Variants in CDHR3 observed in about 807,000 individuals in gnomAD.
CDHR3 encodes cadherin-related family member 3.
In CDHR3, 79 loss-of-function variants were observed where a neutral mutation model predicts 86.6. The observed-to-expected ratio is 0.91, with a 90% CI of 0.76 to 1.10. The LOEUF (loss-of-function observed/expected upper bound fraction) is 1.10. Among genes scored for constraint, CDHR3 ranks in the 50% least tolerant of loss-of-function variants. The pLI is 0.00. For missense variants in CDHR3, 1,081 were observed against 1,077.6 expected, an observed-to-expected ratio of 1.00 and a Z score of -0.04; for synonymous variants, 421 against 402.4, an observed-to-expected ratio of 1.05 and a Z score of -0.55.
At position 106,020,356 on chromosome 7, in the gene CDHR3, C is replaced by G. The variant is rs1437734490; in HGVS notation, c.1654-17C>G. 6.3e-7 allele frequency: 1 copy of G among 1,582,172 alleles called. No individual in the cohort carries two copies. The highest frequency in any genetic ancestry group is 8.6e-7 in the Non-Finnish European group (1 of 1,162,786). On this transcript the variant is annotated splice_polypyrimidine_tract_variant and intron_variant, in intron 12 of 18. Transcript: ENST00000317716. The stretch of plus-strand genomic sequence containing the variant: ...GAGTTTTAGCTATTGAGAATGACCA[C>G]CTTCTTGCTACTCTAGGTTACTGTG...
intron 13 of CDHR3, among the ~76,000 whole-genome samples, chr7:106,020,950 T>C (rs930297815): frequency 6.6e-6 from 1 of 152,166 alleles, no homozygotes; most frequent in African/African-American, 2.4e-5. Context: ...AATTCCTGAC[T>C]ACAGTATGAG....
At position 106,012,802 on chromosome 7, in the gene CDHR3, G is replaced by A. The variant is rs2115840929; in HGVS notation, c.1053-58G>A. 2.0e-6 allele frequency: 3 copies of A among 1,527,664 alleles called. No homozygotes were observed. The East Asian group carries it at 6.9e-5, about 35-fold the overall frequency. 94.6% of individuals were successfully genotyped at this position (1,527,664 alleles called of 1,614,324 possible). A position where few individuals can be genotyped will look rare whatever the true frequency, so the allele number is the denominator to read the frequency against. On this transcript the variant is annotated intron_variant, in intron 8 of 18. Coordinates refer to ENST00000317716, the MANE Select transcript of CDHR3 (RefSeq NM_152750.5). The stretch of plus-strand genomic sequence containing the variant: ...GGTGTCTAGCCCAGGGCCCATGTGA[G>A]AAGGAACAGTCGATTACCATTTATT...
At chr7:106,015,293 T>TGCCCA in intron 10 of CDHR3, 80 bp downstream of exon 10, 3 of 1,257,718 alleles carry the variant, frequency 2.4e-6, no homozygotes, top group Non-Finnish European at 3.4e-6. Flanking sequence ...TACTAGGTAT[T>TGCCCA]GTGCTAGGTC....
At position 105,996,301 on chromosome 7, in the gene CDHR3, A is replaced by G. The variant is rs770451107; in HGVS notation, c.660A>G (p.Thr220=). ...ACAGTGGAGGCCTCAAAGCCTCCAC[A>G]GAGCTCCAGGTGAACATCGTGAACC... ...VRDSGGLKAS[T]ELQVNIVNLN... Residue 220 remains threonine (T), a synonymous_variant, in exon 6 of 19, where the codon ACA becomes ACG. Coordinates refer to ENST00000317716, the MANE Select transcript of CDHR3 (RefSeq NM_152750.5). 6.2e-7 allele frequency: 1 copy of G among 1,601,298 alleles called. No homozygotes were observed. Among genetic ancestry groups the G allele is most frequent in the Non-Finnish European group, 8.5e-7 (1 of 1,169,724 alleles).
intron 1 of CDHR3, among the ~76,000 whole-genome samples, chr7:105,964,764 C>G (rs1826603788): frequency 6.6e-6 from 1 of 152,158 alleles, no homozygotes; most frequent in African/African-American, 2.4e-5. Flanking sequence ...CCTCTTCGAT[C>G]TGCTAATAAG....
At chr7:106,000,076 C>G (rs970287004) in intron 6 of CDHR3, among the ~76,000 whole-genome samples, 12 of 152,260 alleles carry the variant, frequency 7.9e-5, no homozygotes, top group African/African-American at 2.9e-4. Flanking sequence ...CTCCTGCCAT[C>G]CCACCTCTTT....
rs771493524 is a variant in CDHR3, at chr7:105,996,314, A to G, written c.673A>G (p.Asn225Asp). The G allele has an allele frequency of 5.0e-6, 8 of 1,599,454 alleles. No homozygotes were observed. The African/African-American group carries it at 5.4e-5, about 11-fold the overall frequency. Residue 225 changes from asparagine (N) to aspartate (D), a missense_variant, in exon 6 of 19, where the codon AAC becomes GAC. By Grantham distance (23) the Asn-to-Asp change is conservative. Coordinates refer to ENST00000317716, the MANE Select transcript of CDHR3 (RefSeq NM_152750.5). ...CAAAGCCTCCACAGAGCTCCAGGTG[A>G]ACATCGTGAACCTCAACGACGAAGT... ...GLKASTELQV[N>D]IVNLNDEVPR...
Position 106,001,467 on chromosome 7 carries a change from C to A in CDHR3, c.719C>A (p.Thr240Lys). 6.2e-7 allele frequency: 1 copy of A among 1,613,730 alleles called. No individual in the cohort carries two copies. Among genetic ancestry groups the A allele is most frequent in the Non-Finnish European group, 8.5e-7 (1 of 1,179,640 alleles). The part of the protein sequence containing the change: ...NDEVPRFTSP[T>K]RVYTVLEELS... ...CTGCTGTATCTCTGTTCCAGCCCGA[C>A]ACGAGTGTACACAGTCCTGGAGGAA... The change falls in exon 7 of 19, where the codon ACA becomes AAA. Residue 240 changes from threonine (T) to lysine (K), a missense_variant. Physicochemically the swap from Thr to Lys is moderately conservative, Grantham distance 78. Transcript: ENST00000317716.
rs751030566 is a variant in CDHR3, at chr7:106,022,375, T to C, written c.2003T>C (p.Val668Ala). The part of the protein sequence containing the change: ...MSDRKKAEAL[V>A]ETGTVTLSIK... ...GACAGGAAGAAAGCGGAGGCTCTTG[T>C]TGAGACAGGAACAGTGACACTGAGT... Residue 668 changes from valine to alanine, a missense_variant, in exon 14 of 19, where the codon GTT becomes GCT. By Grantham distance (64) the Val-to-Ala change is moderately conservative. Transcript: ENST00000317716. The C allele has an allele frequency of 2.5e-5, 41 of 1,613,892 alleles. No individual in the cohort carries two copies. In the East Asian group the frequency reaches 8.0e-4, roughly 32 times the overall value.
In CDHR3 at chr7:106,030,709, A is replaced by C; in HGVS notation, c.2305-83A>C. 7.4e-7 allele frequency: 1 copy of C among 1,344,676 alleles called. No individual in the cohort carries two copies. 83.3% of individuals were successfully genotyped at this position (1,344,676 alleles called of 1,614,324 possible). ...GAAGTCAAGAAGGCTTTGGTTAAGG[A>C]ACTTGGGTTGTGAGGATGTGTAGCT... is the stretch of plus-strand genomic sequence containing the variant. On this transcript the variant is annotated intron_variant, in intron 17 of 18. Transcript: ENST00000317716. The surrounding 1 kb of genome is among the most constrained non-coding windows in gnomAD (Gnocchi z 4.8).
chr7:105,980,025 G>A (rs1042319341), intron 2 of CDHR3, among the ~76,000 whole-genome samples: 1 of 152,086 alleles, frequency 6.6e-6, no homozygotes, highest in Non-Finnish European at 1.5e-5. Flanking sequence ...CCTGTTCCTC[G>A]CATCCCTCCC....
intron 8 of CDHR3, among the ~76,000 whole-genome samples, chr7:106,010,770 T>C (rs1479712687): frequency 6.6e-6 from 1 of 151,890 alleles, no homozygotes; most frequent in Non-Finnish European, 1.5e-5. Flanking sequence ...GAGATGCCTG[T>C]GGCAGAAAAT....
chr7:106,033,310 T>C lies in CDHR3; in HGVS notation c.*613T>C, dbSNP rs1237723054. Reference sequence around the variant, plus strand: ...ATCAGCATCCTGCATGTGAGATTCATCCACGTTGTCCTGTCTAGCAGTAGT... The same window carrying C: ...ATCAGCATCCTGCATGTGAGATTCACCCACGTTGTCCTGTCTAGCAGTAGT... On this transcript the variant is annotated 3_prime_UTR_variant, in exon 19 of 19. Transcript: ENST00000317716. 1.3e-5 allele frequency: 2 copies of C among 152,736 alleles called. No homozygotes were observed. Among genetic ancestry groups the C allele is most frequent in the Non-Finnish European group, 2.9e-5 (2 of 68,424 alleles). The allele number at this position is 152,736 out of a possible 1,614,324, so 9.5% of individuals were successfully genotyped here. A position where few individuals can be genotyped will look rare whatever the true frequency, so the allele number is the denominator to read the frequency against.
intron 4 of CDHR3, among the ~76,000 whole-genome samples, chr7:105,993,371 G>A (rs927934714): frequency 3.3e-5 from 5 of 152,008 alleles, no homozygotes; most frequent in African/African-American, 9.7e-5. Context: ...AGATCTTGTG[G>A]TGAGGACCAG....
chr7:106,005,523 G>T (rs2115807834), intron 8 of CDHR3, among the ~76,000 whole-genome samples: 1 of 152,334 alleles, frequency 6.6e-6, no homozygotes, highest in African/African-American at 2.4e-5. Flanking sequence ...CTCCACAGCA[G>T]CCCTTGCTAA....
Position 106,004,519 on chromosome 7 carries a change from C to T in CDHR3, c.884C>T (p.Ala295Val), listed in dbSNP as rs539486286. The T allele has an allele frequency of 4.3e-6, 7 of 1,613,846 alleles. No homozygotes were observed. Among genetic ancestry groups the T allele is most frequent in the Non-Finnish European group, 5.9e-6 (7 of 1,179,872 alleles). The change falls in exon 8 of 19, where the codon GCC (alanine) becomes GTC (valine). Residue 295 changes from alanine (A) to valine (V), a missense_variant. By Grantham distance (64) the Ala-to-Val change is moderately conservative. Coordinates refer to ENST00000317716, the MANE Select transcript of CDHR3 (RefSeq NM_152750.5). ...TCAGTGACTGGTACAATCCAAGTGG[C>T]CCAAAGGATAGACCGAGATGCAGGT... ...INQLTGTIQVAQRIDRDAGEL... is the reference protein window; with the variant it reads ...INQLTGTIQVVQRIDRDAGEL...
intron 10 of CDHR3, among the ~76,000 whole-genome samples, chr7:106,015,706 T>G (rs1835507662): frequency 6.6e-6 from 1 of 152,202 alleles, no homozygotes; most frequent in African/African-American, 2.4e-5. Flanking sequence ...TTCATTCTCC[T>G]GGAAGCTGTT....
intron 8 of CDHR3, among the ~76,000 whole-genome samples, chr7:106,006,110 G>A (rs1384557536): frequency 6.6e-6 from 1 of 152,184 alleles, no homozygotes; most frequent in African/African-American, 2.4e-5. Context: ...TAGAGCTTGT[G>A]TAGGGAAACT....
Position 105,994,756 on chromosome 7 carries a change from C to T in CDHR3, c.519C>T (p.Phe173=). The T allele has an allele frequency of 4.3e-6, 7 of 1,609,282 alleles. No homozygotes were observed. Among genetic ancestry groups the T allele is most frequent in the Non-Finnish European group, 5.9e-6 (7 of 1,177,522 alleles). ...DTSRNIPLSY[F]LISPPKSFRM... is the part of the protein sequence containing the mutation. Reference sequence around the variant, plus strand: ...TTTTTTCCCTTGTTTTTTAGTATTTCCTGATTTCTCCCCCAAAGAGCTTCA... The same window carrying T: ...TTTTTTCCCTTGTTTTTTAGTATTTTCTGATTTCTCCCCCAAAGAGCTTCA... The change falls in exon 5 of 19, where the codon TTC becomes TTT. Residue 173 remains phenylalanine (F), a synonymous_variant. Coordinates refer to ENST00000317716, the MANE Select transcript of CDHR3 (RefSeq NM_152750.5).
Sources: gnomAD v4.1 joint callset for allele counts (sites outside exome capture counted in the v4.1 genomes callset) on GRCh38, gnomAD v4.1.1 for gene constraint, Gnocchi (gnomAD v3.1) non-coding constraint, MANE v1.5 for transcripts, NCBI Gene and HGNC (gene_info 2026-07-23, HGNC 2026-07-21) for gene names.